The following TRPM6 variants were observed in gnomAD, a reference collection of about 807,000 sequenced individuals.
The protein encoded by TRPM6 is channel kinase 2.
A neutral mutation model predicts 247.6 loss-of-function variants in TRPM6; 111 were observed. The observed-to-expected ratio is 0.45, with a 90% confidence interval of 0.38 to 0.52. The LOEUF is 0.52. Among genes scored for constraint, TRPM6 ranks in the 20% least tolerant of loss-of-function variants. The pLI, the probability that TRPM6 is intolerant of heterozygous loss-of-function variation, is 0.00. For synonymous variants in TRPM6, 892 were observed against 853.8 expected (o/e 1.04, Z -0.78); for missense variants, 2,126 against 2,421.5 (o/e 0.88, Z 2.56).
intron 1 of TRPM6, among the ~76,000 whole-genome samples, chr9:74,870,113 A>G (rs1830975241): frequency 6.6e-6 from 1 of 152,192 alleles, no homozygotes; most frequent in South Asian, 2.1e-4. Flanking sequence ...AGTATAGGAC[A>G]TTTCCCAAAG....
At position 74,762,918 on chromosome 9, in the gene TRPM6, G is replaced by T; in HGVS notation, c.3753C>A (p.His1251Gln). 1 of 1,606,284 alleles carries T rather than the reference G, an allele frequency of 6.2e-7. No individual in the cohort carries two copies. Reference protein sequence around the residue: ...RKHSTCKKLPHSWSNVICAEV... With the variant: ...RKHSTCKKLPQSWSNVICAEV... ...CTGCACAGATGACATTGCTCCAGCT[G>T]TGGGGAAGTTTTTTGCAAGTAGAAT... Residue 1251 changes from histidine (H) to glutamine (Q), a missense_variant, in exon 26 of 39, where the codon CAC becomes CAA. Around this residue, in one of 3 missense-constraint regions of TRPM6, gnomAD observed 717 missense variants for 715.9 expected, o/e 1.00. Coordinates refer to ENST00000360774, the MANE Select transcript of TRPM6 (RefSeq NM_017662.5).
intron 1 of TRPM6, among the ~76,000 whole-genome samples, chr9:74,863,683 C>T (rs932383610): frequency 6.6e-6 from 1 of 152,016 alleles, no homozygotes; most frequent in Non-Finnish European, 1.5e-5. Context: ...CCGGGTTTTA[C>T]GCCATTCTCC....
At chr9:74,837,437 ATGT>A (rs975403388) in intron 5 of TRPM6, among the ~76,000 whole-genome samples, 2 of 151,706 alleles carry the variant, frequency 1.3e-5, no homozygotes, top group Non-Finnish European at 2.9e-5. Context: ...TGATTGTTTT[ATGT>A]TGTTGTTGTT....
chr9:74,765,188 T>C (rs529807286), intron 25 of TRPM6, among the ~76,000 whole-genome samples: 53 of 152,288 alleles, frequency 3.5e-4, no homozygotes, highest in African/African-American at 1.2e-3. Flanking sequence ...AATTATTTTC[T>C]TGGGCTATTT....
At chr9:74,858,040 G>A (rs150965679) in intron 2 of TRPM6, among the ~76,000 whole-genome samples, 80 of 152,206 alleles carry the variant, frequency 5.3e-4, no homozygotes, top group African/African-American at 1.9e-3. Flanking sequence ...TGAAATCCAC[G>A]ACAATATTAA....
intron 21 of TRPM6, among the ~76,000 whole-genome samples, chr9:74,783,084 GGAGA>G (rs1827520533): frequency 6.6e-6 from 1 of 152,174 alleles, no homozygotes. Context: ...TGTGCTGAGA[GGAGA>G]GAATCTGTGC....
Position 74,737,527 on chromosome 9 carries a change from T to C in TRPM6, c.5776+880A>G, listed in dbSNP as rs949758921. 21 of 798,798 alleles carry C rather than the reference T, an allele frequency of 2.6e-5. No individual in the cohort carries two copies. The African/African-American group carries it at 3.1e-4, about 12-fold the overall frequency. The allele number at this position is 798,798 out of a possible 1,614,324, so 49.5% of individuals were successfully genotyped here. On this transcript the variant is annotated intron_variant, in intron 36 of 38. Transcript: ENST00000360774. ...ATAAGATGGTTATACCCTCTACATATGAAACTCTTAAAAGAAATAAAAGAA... is the reference window on the plus strand; with the variant it reads ...ATAAGATGGTTATACCCTCTACATACGAAACTCTTAAAAGAAATAAAAGAA...
intron 1 of TRPM6, among the ~76,000 whole-genome samples, chr9:74,870,678 C>A (rs1240247597): frequency 6.6e-6 from 1 of 152,166 alleles, no homozygotes; most frequent in Non-Finnish European, 1.5e-5. Context: ...AATCCCTGCA[C>A]TTTGGGAGGC....
chr9:74,777,452 T>C (rs1827263532), intron 23 of TRPM6, among the ~76,000 whole-genome samples: 1 of 152,224 alleles, frequency 6.6e-6, no homozygotes, highest in Non-Finnish European at 1.5e-5. Flanking sequence ...CAACTTCTTT[T>C]TTGACACTGG....
chr9:74,848,676 G>A (rs1242894026), intron 3 of TRPM6, among the ~76,000 whole-genome samples: 1 of 152,110 alleles, frequency 6.6e-6, no homozygotes, highest in African/African-American at 2.4e-5. Flanking sequence ...AGATAGTAAT[G>A]CCTGCAATGC....
At position 74,738,448 on chromosome 9, in the gene TRPM6, T is replaced by C. The variant is rs1446407268; in HGVS notation, c.5735A>G (p.Tyr1912Cys). The C allele has an allele frequency of 6.2e-7, 1 of 1,613,996 alleles. No homozygotes were observed. ...CAGCAGCTCTCCCCGAGTGTACTCA[T>C]AGGTCCAGTGAGAGAAAGCCAACAT... ...ELMLAFSHWT[Y>C]EYTRGELLVL... The change falls in exon 36 of 39, where the codon TAT becomes TGT. Residue 1912 changes from tyrosine (Y) to cysteine (C), a missense_variant. Around this residue, in one of 3 missense-constraint regions of TRPM6, gnomAD observed 327 missense variants for 397.7 expected, o/e 0.82. Transcript: ENST00000360774.
At chr9:74,827,408 G>A (rs1307002756) in intron 7 of TRPM6, among the ~76,000 whole-genome samples, 1 of 152,146 alleles carries the variant, frequency 6.6e-6, no homozygotes, top group African/African-American at 2.4e-5. Flanking sequence ...CTCTAAGGCA[G>A]GGGCCAACTT....
At chr9:74,739,306 G>A (rs747725589) in intron 35 of TRPM6, 61 bp downstream of exon 35, 88 of 1,419,662 alleles carry the variant, frequency 6.2e-5, no homozygotes, top group Non-Finnish European at 7.6e-5. Flanking sequence ...GTAATGGGCT[G>A]AGAAGACGTG....
Position 74,840,151 on chromosome 9 carries a change from C to A in TRPM6, c.417G>T (p.Val139=), listed in dbSNP as rs1472189003. 1.9e-6 allele frequency: 3 copies of A among 1,613,928 alleles called. No individual in the cohort carries two copies. The Admixed American group carries it at 5.0e-5, about 27-fold the overall frequency. ...KEWKMELPKL[V]ISVHGGIQNF... ...TCTGGATGCCCCCATGGACTGAGAT[C>A]ACAAGCTTGGGCAGTTCCATTTTCC... The change falls in exon 5 of 39, where the codon GTG becomes GTT. Residue 139 remains valine, a synonymous_variant. Coordinates refer to ENST00000360774, the MANE Select transcript of TRPM6 (RefSeq NM_017662.5).
At chr9:74,750,783 G>A (rs372120424) in intron 29 of TRPM6, 61 bp from the exon 30 acceptor site, 8 of 1,445,430 alleles carry the variant, frequency 5.5e-6, no homozygotes, top group South Asian at 1.1e-5. Context: ...CAAGTTTCTA[G>A]GAATGATCTG....
Position 74,820,436 on chromosome 9 carries a change from G to C in TRPM6, c.1011-9C>G. On this transcript the variant is annotated splice_polypyrimidine_tract_variant and intron_variant, in intron 8 of 38. Transcript: ENST00000360774. ...CCTGAGGTCGCAGCATCCTGGAAGA[G>C]AAATAAATGGTCTTGACACAACCCA... 1 of 1,613,984 alleles carries C rather than the reference G, an allele frequency of 6.2e-7. No individual in the cohort carries two copies.
chr9:74,804,406 TCAA>T (rs914076625), intron 14 of TRPM6: 4 of 507,048 alleles, frequency 7.9e-6, no homozygotes, highest in African/African-American at 7.8e-5. Flanking sequence ...GAAGTTTTCA[TCAA>T]CAAGATACAA....
intron 4 of TRPM6, among the ~76,000 whole-genome samples, chr9:74,840,722 CAGG>C (rs1300621642): frequency 3.3e-5 from 5 of 150,902 alleles, no homozygotes; most frequent in African/African-American, 1.2e-4. Context: ...GTGACTGAGG[CAGG>C]AGAACCGCTT....
intron 1 of TRPM6, among the ~76,000 whole-genome samples, chr9:74,878,469 A>G (rs1831258425): frequency 6.6e-6 from 1 of 152,152 alleles, no homozygotes; most frequent in African/African-American, 2.4e-5. Context: ...CAAAGCCTCC[A>G]CTAACAATCA....
Sources: gnomAD v4.1 joint callset for allele counts (sites outside exome capture counted in the v4.1 genomes callset) on GRCh38, gnomAD v4.1.1 for gene constraint, gnomAD v4.1.1 regional missense constraint, MANE v1.5 for transcripts, NCBI Gene and HGNC (gene_info 2026-07-23, HGNC 2026-07-21) for gene names.